U2SURP: variants seen among roughly 807,000 people sequenced by gnomAD.
The protein encoded by U2SURP is U2 snRNP associated SURP domain containing, also known as U2 snRNP-associated SURP motif-containing protein.
In U2SURP, 9 loss-of-function variants were observed where a neutral mutation model predicts 144.9. That is an observed-to-expected ratio of 0.06 (90% CI 0.04 to 0.11). The LOEUF is 0.11. U2SURP is among the 10% of genes least tolerant of loss of function. U2SURP has a pLI of 1.00. For synonymous variants in U2SURP, 408 were observed against 396.8 expected, an observed-to-expected ratio of 1.03 and a Z score of -0.33; for missense variants, 724 against 1,226.7, an observed-to-expected ratio of 0.59 and a Z score of 6.12.
At chr3:143,027,312 T>A in intron 14 of U2SURP, 59 bp downstream of exon 14, 12 of 1,317,324 alleles carry the variant, frequency 9.1e-6, no homozygotes, top group Non-Finnish European at 1.3e-5. Flanking sequence ...ATTTTAACTA[T>A]TTTTAAGTAT....
chr3:143,055,179 C>G, intron 27 of U2SURP, 60 bp downstream of exon 27: 1 of 1,383,644 alleles, frequency 7.2e-7, no homozygotes, highest in East Asian at 2.8e-5. Context: ...ATTTCATCAG[C>G]TTTTGAAAAT....
At position 143,016,274 on chromosome 3, in the gene U2SURP, T is replaced by C. The variant is rs1257202359; in HGVS notation, c.339T>C (p.Ala113=). ...ELKKKEDEKA[A]AEIYEEFLAA... is the part of the protein sequence containing the mutation. ...GTATTTAGGAGGATGAAAAGGCAGC[T>C]GCTGAGATTTATGAGGAGTTTCTTG... Residue 113 remains alanine (A), a synonymous_variant, in exon 5 of 28, where the codon GCT becomes GCC. Transcript: ENST00000473835. The C allele has an allele frequency of 3.1e-6, 5 of 1,613,364 alleles. No individual in the cohort carries two copies. Among genetic ancestry groups the C allele is most frequent in the Non-Finnish European group, 4.2e-6 (5 of 1,179,414 alleles).
At chr3:143,032,289 T>G (rs1304611985) in intron 16 of U2SURP, among the ~76,000 whole-genome samples, 1 of 152,172 alleles carries the variant, frequency 6.6e-6, no homozygotes, top group African/African-American at 2.4e-5. Context: ...GCCAGGATGG[T>G]CTTGATCTCT....
intron 24 of U2SURP, among the ~76,000 whole-genome samples, chr3:143,047,846 C>T (rs1271599570): frequency 9.2e-5 from 9 of 97,908 alleles, no homozygotes; most frequent in African/African-American, 3.5e-4. Context: ...GAGCCCCTCA[C>T]CTCCCGGACG....
In U2SURP at chr3:143,012,708, G is replaced by A. The variant is rs112578400; in HGVS notation, c.222+355G>A. Among the ~76,000 whole-genome samples, 285 of 152,220 alleles carry A rather than the reference G, an allele frequency of 1.9e-3. 1 individual carries two copies. Among genetic ancestry groups the A allele is most frequent in the Middle Eastern group, 6.8e-3 (2 of 294 alleles). On this transcript the variant is annotated intron_variant, in intron 3 of 27. Transcript: ENST00000473835. ...TGCACAGATCATTGAAACACTGTTC[G>A]TGTTCCCACTGAGCTTATAGTCTCA...
At chr3:143,045,572 T>C (rs953549755) in intron 24 of U2SURP, among the ~76,000 whole-genome samples, 1 of 152,220 alleles carries the variant, frequency 6.6e-6, no homozygotes, top group African/African-American at 2.4e-5. Context: ...TTTGTTAACT[T>C]AGGTCGTTTT....
chr3:143,010,738 G>C, intron 1 of U2SURP, 77 bp from the exon 2 acceptor site: 3 of 1,157,780 alleles, frequency 2.6e-6, no homozygotes, highest in Non-Finnish European at 3.6e-6. Context: ...AAACTCTTAA[G>C]TTTGTATAAC....
In U2SURP at chr3:143,057,511, A is replaced by C. The variant is rs1240677218; in HGVS notation, c.*1061A>C. 6.6e-6 allele frequency: 1 copy of C among 152,228 alleles called. No homozygotes were observed. Among genetic ancestry groups the C allele is most frequent in the East Asian group, 1.9e-4 (1 of 5,190 alleles). 9.4% of individuals were successfully genotyped at this position (152,228 alleles called of 1,614,324 possible). On this transcript the variant is annotated 3_prime_UTR_variant, in exon 28 of 28. Coordinates refer to ENST00000473835, the MANE Select transcript of U2SURP (RefSeq NM_001080415.2). ...AATGGTTTGTAAATTCAAGGTGCAAAAAGTTGATTTAAACCATTTGCAGAG... is the reference window on the plus strand; with the variant it reads ...AATGGTTTGTAAATTCAAGGTGCAACAAGTTGATTTAAACCATTTGCAGAG...
chr3:143,008,023 T>C (rs1935934187), intron 1 of U2SURP, among the ~76,000 whole-genome samples: 1 of 152,238 alleles, frequency 6.6e-6, no homozygotes, highest in Non-Finnish European at 1.5e-5. Flanking sequence ...TTGCAGTAAA[T>C]GTGATTAGTG....
intron 16 of U2SURP, among the ~76,000 whole-genome samples, chr3:143,030,575 T>C (rs1398624107): frequency 6.6e-6 from 1 of 152,244 alleles, no homozygotes; most frequent in African/African-American, 2.4e-5. Context: ...TTCATGCCTG[T>C]TAACACATTA....
intron 1 of U2SURP, among the ~76,000 whole-genome samples, chr3:143,003,483 T>C (rs376643281): frequency 8.9e-4 from 136 of 152,254 alleles, no homozygotes; most frequent in African/African-American, 3.1e-3. Flanking sequence ...ATGGTTGATA[T>C]AAGGATCAAA....
intron 1 of U2SURP, among the ~76,000 whole-genome samples, chr3:143,008,373 A>G (rs2108268710): frequency 6.6e-6 from 1 of 152,374 alleles, no homozygotes; most frequent in East Asian, 1.9e-4. Flanking sequence ...ATCAAAGACT[A>G]CAGAAAGGGT....
intron 8 of U2SURP, 38 bp from the exon 9 acceptor site, chr3:143,021,312 A>G (rs1936620302): frequency 1.3e-6 from 2 of 1,561,378 alleles, no homozygotes; most frequent in Non-Finnish European, 1.7e-6. Flanking sequence ...CTACTGTATT[A>G]TAAAAACTAA....
chr3:143,018,754 C>T lies in U2SURP; in HGVS notation c.571-1215C>T, dbSNP rs1189578980. Among the ~76,000 whole-genome samples the T allele has an allele frequency of 2.6e-5, 4 of 152,128 alleles. No homozygotes were observed. In the East Asian group the frequency reaches 5.8e-4, roughly 22 times the overall value. On this transcript the variant is annotated intron_variant, in intron 6 of 27. Coordinates refer to ENST00000473835, the MANE Select transcript of U2SURP (RefSeq NM_001080415.2). ...CAGCCTGACCAACATGGAGAAACCC[C>T]GTCTCTACTAAAAATACAAAATTAG... is the stretch of plus-strand genomic sequence containing the variant.
At chr3:143,038,571 C>T (rs990271948) in intron 22 of U2SURP, among the ~76,000 whole-genome samples, 3 of 151,998 alleles carry the variant, frequency 2.0e-5, no homozygotes, top group Non-Finnish European at 4.4e-5. Flanking sequence ...CAATTTAGAC[C>T]TGTCTTTCAC....
At position 143,027,503 on chromosome 3, in the gene U2SURP, T is replaced by A. The variant is rs528115411; in HGVS notation, c.1379+250T>A. 5.9e-5 allele frequency among the ~76,000 whole-genome samples: 9 copies of A among 152,302 alleles called. 1 individual carries two copies. The South Asian group carries it at 1.9e-3, about 32-fold the overall frequency. On this transcript the variant is annotated intron_variant, in intron 14 of 27. Coordinates refer to ENST00000473835, the MANE Select transcript of U2SURP (RefSeq NM_001080415.2). ...ACTTTCTGTCTCTTAGTAATTTCATTACTCAGGGTAAACTCACATGAGTAT... is the reference window on the plus strand; with the variant it reads ...ACTTTCTGTCTCTTAGTAATTTCATAACTCAGGGTAAACTCACATGAGTAT...
At chr3:143,014,444 A>ACACATTCATTTCC in intron 4 of U2SURP, 35 bp downstream of exon 4, 1 of 1,433,240 alleles carries the variant, frequency 7.0e-7, no homozygotes, top group Non-Finnish European at 9.7e-7. Context: ...TTATCCTTGG[A>ACACATTCATTTCC]AATGAATGTG....
rs375129577 is a variant in U2SURP, at chr3:143,054,937, C to T, written c.2775-6C>T. The T allele has an allele frequency of 2.5e-6, 4 of 1,583,524 alleles. No homozygotes were observed. The highest frequency in any genetic ancestry group is 3.4e-6 in the Non-Finnish European group (4 of 1,170,334). Reference sequence around the variant, plus strand: ...TATGGAATGTTTTGGGGGCTTTGTTCCATAGGAAGAGGCGACACAGTACAT... The same window carrying T: ...TATGGAATGTTTTGGGGGCTTTGTTTCATAGGAAGAGGCGACACAGTACAT... On this transcript the variant is annotated splice_polypyrimidine_tract_variant and splice_region_variant and intron_variant, in intron 26 of 27. Coordinates refer to ENST00000473835, the MANE Select transcript of U2SURP (RefSeq NM_001080415.2).
intron 7 of U2SURP, 80 bp downstream of exon 7, chr3:143,020,116 C>T (rs1331155977): frequency 1.2e-6 from 1 of 846,988 alleles, no homozygotes; most frequent in Non-Finnish European, 1.7e-6. Flanking sequence ...AAAGAATATA[C>T]TGTACCAGTT....
Sources: allele counts gnomAD v4.1 joint callset (sites outside exome capture counted in the v4.1 genomes callset), GRCh38; gene constraint gnomAD v4.1.1; transcripts MANE v1.5; gene names NCBI Gene and HGNC (gene_info 2026-07-23, HGNC 2026-07-21).